Variants in HOMER1 observed in about 807,000 individuals in gnomAD.
HOMER1 encodes homer protein homolog 1.
A neutral mutation model predicts 48.9 loss-of-function variants in HOMER1; 3 were observed. That is an observed-to-expected ratio of 0.06 (90% CI 0.03 to 0.16). The LOEUF is 0.16. HOMER1 is among the 10% of genes least tolerant of loss of function. The pLI, the probability that HOMER1 is intolerant of heterozygous loss-of-function variation, is 1.00. For missense variants in HOMER1, 247 were observed against 411.4 expected, an observed-to-expected ratio of 0.60 and a Z score of 3.46; for synonymous variants, 134 against 146.4, an observed-to-expected ratio of 0.92 and a Z score of 0.61.
chr5:79,397,289 C>T (rs1363311296), intron 7 of HOMER1, among the ~76,000 whole-genome samples: 1 of 152,148 alleles, frequency 6.6e-6, no homozygotes, highest in Non-Finnish European at 1.5e-5. Flanking sequence ...AAATGCAACT[C>T]TCATCTGGAA....
At chr5:79,389,848 A>G (rs1413388142) in intron 8 of HOMER1, among the ~76,000 whole-genome samples, 1 of 152,244 alleles carries the variant, frequency 6.6e-6, no homozygotes, top group Non-Finnish European at 1.5e-5. Flanking sequence ...TGTAGATGAT[A>G]GTTAAAAAAT....
intron 8 of HOMER1, among the ~76,000 whole-genome samples, chr5:79,385,045 G>GAA (rs1329258488): frequency 6.6e-6 from 1 of 152,060 alleles, no homozygotes; most frequent in African/African-American, 2.4e-5. Flanking sequence ...AGTGAATGAG[G>GAA]AAAAGCTTTT....
Position 79,456,808 on chromosome 5 carries a change from G to A in HOMER1, c.162+54C>T, listed in dbSNP as rs1315705892. Reference sequence around the variant, plus strand: ...AAAATGTTCTGAATAGAACTAAAATGTCATACTGAAAAAAGCAAAACCAGC... The same window carrying A: ...AAAATGTTCTGAATAGAACTAAAATATCATACTGAAAAAAGCAAAACCAGC... On this transcript the variant is annotated intron_variant, in intron 2 of 8. Coordinates refer to ENST00000334082, the MANE Select transcript of HOMER1 (RefSeq NM_004272.5). 5.3e-6 allele frequency: 8 copies of A among 1,507,632 alleles called. No individual in the cohort carries two copies. The African/African-American group carries it at 8.3e-5, about 16-fold the overall frequency. 93.4% of individuals were successfully genotyped at this position (1,507,632 alleles called of 1,614,324 possible).
chr5:79,421,853 C>G (rs1017630062), intron 5 of HOMER1, among the ~76,000 whole-genome samples: 9 of 152,078 alleles, frequency 5.9e-5, no homozygotes, highest in African/African-American at 2.2e-4. Flanking sequence ...GGTGATCAGC[C>G]TGGCTCAGGC....
At chr5:79,493,840 T>A (rs1752352691) in intron 1 of HOMER1, among the ~76,000 whole-genome samples, 2 of 152,214 alleles carry the variant, frequency 1.3e-5, no homozygotes, top group South Asian at 4.1e-4. Flanking sequence ...TAGAGCTTGC[T>A]GAGCTACTAT....
At chr5:79,426,550 A>C (rs112147988) in intron 5 of HOMER1, among the ~76,000 whole-genome samples, 1 of 152,142 alleles carries the variant, frequency 6.6e-6, no homozygotes, top group African/African-American at 2.4e-5. Context: ...CATGCGCAGA[A>C]AGACAAATGT....
At chr5:79,457,273 C>A (rs1000871143) in intron 1 of HOMER1, among the ~76,000 whole-genome samples, 1 of 152,122 alleles carries the variant, frequency 6.6e-6, no homozygotes, top group African/African-American at 2.4e-5. Context: ...CTGTAACCGC[C>A]AAATCAATAG....
chr5:79,383,007 G>C (rs965222790), intron 8 of HOMER1, among the ~76,000 whole-genome samples: 2 of 152,132 alleles, frequency 1.3e-5, no homozygotes, highest in African/African-American at 4.8e-5. Context: ...TTGTAAAAAG[G>C]CTTACAGATC....
intron 3 of HOMER1, 88 bp from the exon 4 acceptor site, chr5:79,447,233 A>G: frequency 1.3e-6 from 1 of 770,590 alleles, no homozygotes; most frequent in Non-Finnish European, 2.2e-6. Flanking sequence ...CATTTTCTGA[A>G]TAACTGACTC....
chr5:79,505,764 G>A lies in HOMER1; in HGVS notation c.5+7006C>T, dbSNP rs75580980. On this transcript the variant is annotated intron_variant, in intron 1 of 8. Coordinates refer to ENST00000334082, the MANE Select transcript of HOMER1 (RefSeq NM_004272.5). The stretch of plus-strand genomic sequence containing the variant: ...ATTGATTAGATTACTGGTTTTGGGG[G>A]GTTTTATAAACAATTTTATTTTCTG... Among the ~76,000 whole-genome samples the A allele has an allele frequency of 5.9e-3, 893 of 151,908 alleles. 10 individuals are homozygous for A. The highest frequency in any genetic ancestry group is 0.02 in the African/African-American group (818 of 41,436).
At chr5:79,394,522 C>A (rs1441944506) in intron 8 of HOMER1, among the ~76,000 whole-genome samples, 1 of 152,166 alleles carries the variant, frequency 6.6e-6, no homozygotes, top group Non-Finnish European at 1.5e-5. Flanking sequence ...ATTATATTCA[C>A]AATTTCAAGT....
At chr5:79,439,297 A>C in intron 4 of HOMER1, 148 bp from the exon 5 acceptor site, 1 of 721,970 alleles carries the variant, frequency 1.4e-6, no homozygotes. Context: ...AAAACATAAA[A>C]CATGGAAATT....
Position 79,513,205 on chromosome 5 carries a change from C to CCA in HOMER1, c.-433_-432dup. The CCA allele has an allele frequency of 5.9e-6, 1 of 170,686 alleles. No homozygotes were observed. The highest frequency in any genetic ancestry group is 2.4e-5 in the African/African-American group (1 of 42,164). The allele number at this position is 170,686 out of a possible 1,614,324, so 10.6% of individuals were successfully genotyped here. On this transcript the variant is annotated 5_prime_UTR_variant, in exon 1 of 9. Transcript: ENST00000334082. ...AAGGCTGCGGGTTCAAATTTCTCCA[C>CCA]CACACCAGGTCTCCGGGGGTGGAGC...
intron 1 of HOMER1, among the ~76,000 whole-genome samples, chr5:79,501,447 T>G (rs1251144148): frequency 6.6e-6 from 1 of 152,202 alleles, no homozygotes. Context: ...TAAATGTGAG[T>G]TGGTGGGGCA....
intron 6 of HOMER1, 81 bp from the exon 7 acceptor site, chr5:79,397,718 G>T: frequency 1.4e-6 from 1 of 729,916 alleles, no homozygotes. Flanking sequence ...CCAAATAAGT[G>T]AATAGTATAT....
chr5:79,419,263 G>A (rs1397079060), intron 5 of HOMER1, among the ~76,000 whole-genome samples: 1 of 152,048 alleles, frequency 6.6e-6, no homozygotes, highest in East Asian at 1.9e-4. Flanking sequence ...GGATATCTGT[G>A]GAACTACTTC....
chr5:79,382,220 G>A (rs1353700162), intron 8 of HOMER1, among the ~76,000 whole-genome samples: 1 of 152,152 alleles, frequency 6.6e-6, no homozygotes, highest in Non-Finnish European at 1.5e-5. Context: ...GGTGAAGAGA[G>A]AGCAAAAGGG....
rs1009644672 is a variant in HOMER1 at position 79,474,206 on chromosome 5, A to ATTTTTT, written c.6-17194_6-17189dup. On this transcript the variant is annotated intron_variant, in intron 1 of 8. Coordinates refer to ENST00000334082, the MANE Select transcript of HOMER1 (RefSeq NM_004272.5). ...GTGTGCACCATCATGCCCAACCAAA[A>ATTTTTT]TTTTTTTTTTTTTTTTTTTTTTTTT... 8.9e-4 allele frequency among the ~76,000 whole-genome samples: 88 copies of ATTTTTT among 98,744 alleles called. 2 individuals carry two copies. The highest frequency in any genetic ancestry group is 3.5e-3 in the African/African-American group (75 of 21,388). 64.8% of individuals were successfully genotyped at this position (98,744 alleles called of 152,430 possible). A position where few individuals can be genotyped will look rare whatever the true frequency, so the allele number is the denominator to read the frequency against.
At chr5:79,462,993 G>C (rs1369926234) in intron 1 of HOMER1, among the ~76,000 whole-genome samples, 2 of 152,184 alleles carry the variant, frequency 1.3e-5, no homozygotes. Context: ...AGAAGGTTAT[G>C]GTTTCAAATA....
Sources: gnomAD v4.1 joint callset for allele counts (sites outside exome capture counted in the v4.1 genomes callset) on GRCh38, gnomAD v4.1.1 for gene constraint, MANE v1.5 for transcripts, NCBI Gene and HGNC (gene_info 2026-07-23, HGNC 2026-07-21) for gene names.